Variants in NIPA1 observed in about 807,000 individuals in gnomAD.
The protein encoded by NIPA1 is NIPA magnesium transporter 1.
NIPA1 carries 13 observed loss-of-function variants against 23.9 expected under a neutral mutation model. The observed-to-expected ratio is 0.54, with a 90% CI of 0.35 to 0.87. The LOEUF (loss-of-function observed/expected upper bound fraction) is 0.87, where lower values mean the gene tolerates loss of function less well. Among genes scored for constraint, NIPA1 ranks in the 40% least tolerant of loss-of-function variants. The probability of loss-of-function intolerance (pLI) is 0.01; values close to 1 mark genes in which losing one functional copy is unlikely to be tolerated. For missense variants in NIPA1, 362 were observed against 429.7 expected (o/e 0.84, Z 1.39); for synonymous variants, 234 against 202.9 (o/e 1.15, Z -1.30).
At chr15:22,799,715 G>A (rs1379084096) in intron 1 of NIPA1, among the ~76,000 whole-genome samples, 2 of 151,566 alleles carry the variant, frequency 1.3e-5, no homozygotes, top group Non-Finnish European at 2.9e-5. Context: ...CCAGGAGGCG[G>A]AGGTTGCAGT....
intron 3 of NIPA1, among the ~76,000 whole-genome samples, chr15:22,812,728 G>T (rs1184853900): frequency 6.6e-6 from 1 of 151,862 alleles, no homozygotes; most frequent in Non-Finnish European, 1.5e-5. Context: ...TGTAGTTCTG[G>T]GTAGTATTAA....
At chr15:22,801,673 C>T (rs533381524) in intron 1 of NIPA1, among the ~76,000 whole-genome samples, 3 of 151,950 alleles carry the variant, frequency 2.0e-5, no homozygotes, top group South Asian at 4.2e-4. Context: ...CCCGCCACCG[C>T]GCCCAGCTAA....
intron 2 of NIPA1, 37 bp from the exon 3 acceptor site, chr15:22,812,126 G>T (rs1895329762): frequency 1.4e-6 from 2 of 1,457,118 alleles, no homozygotes; most frequent in South Asian, 2.3e-5. Flanking sequence ...AGAGAGCTCT[G>T]TAATTGCAAG....
chr15:22,808,679 C>CTTCTTTTTTTTT (rs1295103631), intron 1 of NIPA1, among the ~76,000 whole-genome samples: 3 of 128,338 alleles, frequency 2.3e-5, no homozygotes, highest in African/African-American at 9.4e-5. Flanking sequence ...TAGCAATATT[C>CTTCTTTTTTTTT]TTTTTTTTGA....
intron 1 of NIPA1, among the ~76,000 whole-genome samples, chr15:22,789,855 C>CGCGATCTTGGCTCATTGCA (rs1595628643): frequency 6.6e-6 from 1 of 151,746 alleles, no homozygotes; most frequent in East Asian, 1.9e-4. Context: ...AGTGCAGTGG[C>CGCGATCTTGGCTCATTGCA]GCGATCTTGG....
chr15:22,817,186 C>CAAAAAA (rs894814701), intron 3 of NIPA1, among the ~76,000 whole-genome samples: 7 of 61,060 alleles, frequency 1.1e-4, no homozygotes, highest in African/African-American at 5.3e-4. Context: ...GACTCTGTCT[C>CAAAAAA]AAAAAAAAAA....
At chr15:22,816,928 A>G (rs1895430807) in intron 3 of NIPA1, among the ~76,000 whole-genome samples, 1 of 151,908 alleles carries the variant, frequency 6.6e-6, no homozygotes, top group South Asian at 2.1e-4. Context: ...TCACTCCTGT[A>G]ATCCCAGCAC....
At chr15:22,798,532 C>A (rs1469088576) in intron 1 of NIPA1, among the ~76,000 whole-genome samples, 1 of 145,084 alleles carries the variant, frequency 6.9e-6, no homozygotes, top group Non-Finnish European at 1.5e-5. Flanking sequence ...AGCCACTGTG[C>A]CTGGCCTATC....
chr15:22,822,595 G>A (rs1292281689), intron 4 of NIPA1, among the ~76,000 whole-genome samples: 3 of 152,142 alleles, frequency 2.0e-5, no homozygotes, highest in South Asian at 2.1e-4. Flanking sequence ...TTGGGAGGCC[G>A]AGGACGGCGG....
At chr15:22,791,842 G>A (rs923605070) in intron 1 of NIPA1, among the ~76,000 whole-genome samples, 7 of 151,774 alleles carry the variant, frequency 4.6e-5, no homozygotes, top group African/African-American at 1.5e-4. Context: ...AGGGAGCGTC[G>A]TCTACAGCAT....
In NIPA1 at chr15:22,827,709, C is replaced by T. The variant is rs1895679444; in HGVS notation, c.*3470C>T. On this transcript the variant is annotated 3_prime_UTR_variant, in exon 5 of 5. Transcript: ENST00000337435. Reference sequence around the variant, plus strand: ...TTCTGGTAGAAGTGAGCACTGTTCACTTGTGCAGTCGTCTTATTTTCCTTC... The same window carrying T: ...TTCTGGTAGAAGTGAGCACTGTTCATTTGTGCAGTCGTCTTATTTTCCTTC... 6.6e-6 allele frequency: 1 copy of T among 152,132 alleles called. No homozygotes were observed. The highest frequency in any genetic ancestry group is 2.1e-4 in the South Asian group (1 of 4,832). The allele number at this position is 152,132 out of a possible 1,614,324, so 9.4% of individuals were successfully genotyped here. A position where few individuals can be genotyped will look rare whatever the true frequency, so the allele number is the denominator to read the frequency against.
rs894228702 is a variant in NIPA1, at chr15:22,801,575, G to A, written c.179-9174G>A. ...CTGTCACCCAGGCTGGAGTGCAGTGGCATGATCTCGGCTCACTGCAACTTC... is the reference window on the plus strand; with the variant it reads ...CTGTCACCCAGGCTGGAGTGCAGTGACATGATCTCGGCTCACTGCAACTTC... On this transcript the variant is annotated intron_variant, in intron 1 of 4. Coordinates refer to ENST00000337435, the MANE Select transcript of NIPA1 (RefSeq NM_144599.5). 5.5e-5 allele frequency among the ~76,000 whole-genome samples: 8 copies of A among 144,616 alleles called. 1 individual carries two copies. The highest frequency in any genetic ancestry group is 2.1e-4 in the African/African-American group (8 of 38,284). The allele number at this position is 144,616 out of a possible 152,430, so 94.9% of individuals were successfully genotyped here.
chr15:22,800,115 T>G (rs1372889894), intron 1 of NIPA1, among the ~76,000 whole-genome samples: 1 of 151,924 alleles, frequency 6.6e-6, no homozygotes, highest in East Asian at 1.9e-4. Context: ...ACCCCAGCAT[T>G]GCACAATATA....
Position 22,825,989 on chromosome 15 carries a change from C to G in NIPA1, c.*1750C>G, listed in dbSNP as rs562165057. On this transcript the variant is annotated 3_prime_UTR_variant, in exon 5 of 5. Transcript: ENST00000337435. ...AGTGTTTTATCTCAGCAGGGAACTA[C>G]GCCAAGTTGAAAGATGGGGTTGGGT... 10 of 152,274 alleles carry G rather than the reference C, an allele frequency of 6.6e-5. No individual in the cohort carries two copies. The highest frequency in any genetic ancestry group is 1.2e-4 in the Non-Finnish European group (8 of 68,002). 9.4% of individuals were successfully genotyped at this position (152,274 alleles called of 1,614,324 possible). A position where few individuals can be genotyped will look rare whatever the true frequency, so the allele number is the denominator to read the frequency against.
At chr15:22,806,156 C>T (rs969510102) in intron 1 of NIPA1, among the ~76,000 whole-genome samples, 1 of 152,166 alleles carries the variant, frequency 6.6e-6, no homozygotes, top group Non-Finnish European at 1.5e-5. Context: ...ATCTCCTGAC[C>T]TTGTGATCCG....
chr15:22,814,053 C>G (rs749157384), intron 3 of NIPA1: 5 of 1,167,412 alleles, frequency 4.3e-6, no homozygotes, highest in Non-Finnish European at 5.7e-6. Flanking sequence ...AGTCACTTCA[C>G]CAGAAATGTT....
intron 1 of NIPA1, among the ~76,000 whole-genome samples, chr15:22,792,483 C>T (rs1192389899): frequency 6.6e-6 from 1 of 152,072 alleles, no homozygotes; most frequent in Non-Finnish European, 1.5e-5. Flanking sequence ...CTCAGCCTCC[C>T]AAATAGCTGG....
At position 22,808,671 on chromosome 15, in the gene NIPA1, G is replaced by A. The variant is rs1895260723; in HGVS notation, c.179-2078G>A. Among the ~76,000 whole-genome samples, 7 of 64,624 alleles carry A rather than the reference G, an allele frequency of 1.1e-4. No individual in the cohort carries two copies. In the South Asian group the frequency reaches 4.5e-3, roughly 42 times the overall value. The allele number at this position is 64,624 out of a possible 152,430, so 42.4% of individuals were successfully genotyped here. A position where few individuals can be genotyped will look rare whatever the true frequency, so the allele number is the denominator to read the frequency against. The stretch of plus-strand genomic sequence containing the variant: ...GTTTTTACTGTGATGTGATCAAATA[G>A]CAATATTCTTTTTTTTGAGACAGTG... On this transcript the variant is annotated intron_variant, in intron 1 of 4. Transcript: ENST00000337435.
At chr15:22,800,467 G>A (rs115261409) in intron 1 of NIPA1, among the ~76,000 whole-genome samples, 184 of 152,186 alleles carry the variant, frequency 1.2e-3, no homozygotes, top group African/African-American at 4.2e-3. Context: ...TACACGTTGG[G>A]TGGTACAGCT....
Sources: gnomAD v4.1 joint callset for allele counts (sites outside exome capture counted in the v4.1 genomes callset) on GRCh38, gnomAD v4.1.1 for gene constraint, MANE v1.5 for transcripts, NCBI Gene and HGNC (gene_info 2026-07-23, HGNC 2026-07-21) for gene names.